Variants in TMEM220 observed in about 807,000 individuals in gnomAD.
The protein encoded by TMEM220 is transmembrane protein 220.
A neutral mutation model predicts 21.7 loss-of-function variants in TMEM220; 21 were observed. The ratio of observed to expected loss-of-function variants is 0.97; its 90% CI spans 0.69 to 1.39. The LOEUF (loss-of-function observed/expected upper bound fraction) is 1.39, where lower values mean the gene tolerates loss of function less well. Among genes scored for constraint, TMEM220 ranks in the 40% most tolerant of loss-of-function variants. The probability of loss-of-function intolerance (pLI) is 0.00; values close to 1 mark genes in which losing one functional copy is unlikely to be tolerated. For missense variants in TMEM220, 191 were observed against 201.9 expected (o/e 0.95, Z 0.33); for synonymous variants, 80 against 73.6 (o/e 1.09, Z -0.45).
At chr17:10,727,795 C>T (rs1016906490) in intron 2 of TMEM220, among the ~76,000 whole-genome samples, 2 of 152,080 alleles carry the variant, frequency 1.3e-5, no homozygotes, top group Non-Finnish European at 2.9e-5. Context: ...GAGTCATCTC[C>T]TTGGTGTACT....
downstream of TMEM220, chr17:10,711,157 T>C: frequency 6.3e-7 from 1 of 1,576,258 alleles, no homozygotes; most frequent in Middle Eastern, 1.7e-4. Context: ...TAATTTATTT[T>C]AACTTGATAG....
At chr17:10,716,557 C>T (rs2074924254) in intron 5 of TMEM220, 1 of 585,752 alleles carries the variant, frequency 1.7e-6, no homozygotes, top group Non-Finnish European at 3.4e-6. Flanking sequence ...AAGAAAGCTG[C>T]ACCACCGCGG....
rs1486413076 is a variant in TMEM220 at position 10,715,509 on chromosome 17, A to G, written c.427T>C (p.Tyr143His). ...LFPFISWVYI[Y>H]INKEMRSSWP... Reference sequence around the variant, plus strand: ...GAGGACCGCATTTCCTTGTTAATATATATGTAGACCCATGAGATAAATGGG... The same window carrying G: ...GAGGACCGCATTTCCTTGTTAATATGTATGTAGACCCATGAGATAAATGGG... The change falls in exon 6 of 6, where the codon TAT (tyrosine) becomes CAT (histidine). Residue 143 changes from tyrosine (Y) to histidine (H), a missense_variant. Tyr to His is a moderately conservative substitution (Grantham distance 83). Coordinates refer to ENST00000341871, the MANE Select transcript of TMEM220 (RefSeq NM_001004313.3). 1.9e-6 allele frequency: 3 copies of G among 1,605,614 alleles called. No homozygotes were observed. Among genetic ancestry groups the G allele is most frequent in the Non-Finnish European group, 2.5e-6 (3 of 1,178,282 alleles).
chr17:10,720,796 AAAAC>A (rs2074979411), intron 5 of TMEM220, among the ~76,000 whole-genome samples: 1 of 152,210 alleles, frequency 6.6e-6, no homozygotes, highest in Admixed American at 6.5e-5. Flanking sequence ...CCTAATAACA[AAAAC>A]AAACAAGAGA....
chr17:10,728,291 TTTTTTTTTC>T (rs1243147349), intron 2 of TMEM220, among the ~76,000 whole-genome samples: 2 of 148,818 alleles, frequency 1.3e-5, no homozygotes, highest in Non-Finnish European at 3.0e-5. Flanking sequence ...TTCTTTGCTT[TTTTTTTTTC>T]TTTTTTTTCT....
intron 1 of TMEM220, among the ~76,000 whole-genome samples, chr17:10,729,568 G>C (rs1364292959): frequency 6.6e-6 from 1 of 152,174 alleles, no homozygotes; most frequent in Non-Finnish European, 1.5e-5. Context: ...TCCAGGGTGT[G>C]AGCCCTGGTA....
intron 5 of TMEM220, among the ~76,000 whole-genome samples, chr17:10,721,493 T>C (rs1268943790): frequency 6.6e-6 from 1 of 151,202 alleles, no homozygotes; most frequent in Non-Finnish European, 1.5e-5. Flanking sequence ...TAATCCCAAC[T>C]ACTTGGGAGG....
Position 10,729,891 on chromosome 17 carries a change from G to T in TMEM220, c.-40C>A. 7.9e-7 allele frequency: 1 copy of T among 1,264,766 alleles called. No homozygotes were observed. The highest frequency in any genetic ancestry group is 2.5e-5 in the South Asian group (1 of 39,318). The allele number at this position is 1,264,766 out of a possible 1,614,324, so 78.3% of individuals were successfully genotyped here. A position where few individuals can be genotyped will look rare whatever the true frequency, so the allele number is the denominator to read the frequency against. ...GGCGCGGGGCGGTGAGTCCTGCCAC[G>T]TGCGGGGCGGTGAGTCCTGCCACGT... On this transcript the variant is annotated 5_prime_UTR_variant, in exon 1 of 6. Transcript: ENST00000341871.
chr17:10,719,673 G>A (rs1017586599), intron 5 of TMEM220, among the ~76,000 whole-genome samples: 2 of 152,066 alleles, frequency 1.3e-5, no homozygotes, highest in Non-Finnish European at 2.9e-5. Flanking sequence ...AGAGAGAGAA[G>A]GTTTTCCTAA....
downstream of TMEM220, chr17:10,713,181 G>A (rs2074866768): frequency 1.3e-5 from 2 of 150,170 alleles, no homozygotes; most frequent in African/African-American, 2.5e-5. Context: ...TAAGGCAGGA[G>A]AATCACTTGA....
rs34889423 is a variant in TMEM220, at chr17:10,718,552, TA to T, written c.348-2965del. On this transcript the variant is annotated intron_variant, in intron 5 of 5. Coordinates refer to ENST00000341871, the MANE Select transcript of TMEM220 (RefSeq NM_001004313.3). ...AAAAATTCCTAACTTCCTGGAAGCT[TA>T]AAAAAAAAATGTACTTATGTCTATA... is the stretch of plus-strand genomic sequence containing the variant. Among the ~76,000 whole-genome samples, 182 of 150,066 alleles carry T rather than the reference TA, an allele frequency of 1.2e-3. 1 individual carries two copies. The East Asian group carries it at 0.023, about 19-fold the overall frequency.
chr17:10,718,215 C>G (rs1159300754), intron 5 of TMEM220, among the ~76,000 whole-genome samples: 1 of 152,104 alleles, frequency 6.6e-6, no homozygotes, highest in African/African-American at 2.4e-5. Flanking sequence ...AGAAATTTGT[C>G]TAATTTGTAT....
In TMEM220 at chr17:10,729,052, G is replaced by T; in HGVS notation, c.81C>A (p.Asp27Glu). The T allele has an allele frequency of 1.2e-6, 2 of 1,614,154 alleles. No homozygotes were observed. Among genetic ancestry groups the T allele is most frequent in the Non-Finnish European group, 1.7e-6 (2 of 1,180,026 alleles). Reference protein sequence around the residue: ...FALAALVQVNDPDAEVWVVVY... With the variant: ...FALAALVQVNEPDAEVWVVVY... ...TCACCACCCACACCTCTGCATCTGG[G>T]TCATTTACCTGGAACGCCAGAATAC... Residue 27 changes from aspartate to glutamate, a missense_variant, in exon 2 of 6, where the codon GAC becomes GAA. Physicochemically the swap from Asp to Glu is conservative, Grantham distance 45 (BLOSUM62 2). Transcript: ENST00000341871.
chr17:10,716,409 G>A, intron 5 of TMEM220: 1 of 647,762 alleles, frequency 1.5e-6, no homozygotes, highest in Non-Finnish European at 3.0e-6. Flanking sequence ...TGCTGTGTTG[G>A]CTTATCTTAA....
Position 10,715,502 on chromosome 17 carries a change from T to A in TMEM220, c.434A>T (p.Asn145Ile). 6.2e-7 allele frequency: 1 copy of A among 1,602,942 alleles called. No individual in the cohort carries two copies. The highest frequency in any genetic ancestry group is 8.5e-7 in the Non-Finnish European group (1 of 1,177,824). The change falls in exon 6 of 6, where the codon AAC becomes ATC. Residue 145 changes from asparagine to isoleucine, a missense_variant. Physicochemically the swap from Asn to Ile is moderately radical, Grantham distance 149. Transcript: ENST00000341871. ...PFISWVYIYI[N>I]KEMRSSWPTH... ...TGGCCAAGAGGACCGCATTTCCTTG[T>A]TAATATATATGTAGACCCATGAGAT...
rs1426514860 is a variant in TMEM220 at position 10,729,994 on chromosome 17, C to T, written c.-143G>A. The T allele has an allele frequency of 1.7e-5, 18 of 1,082,752 alleles. No individual in the cohort carries two copies. The South Asian group carries it at 5.2e-4, about 31-fold the overall frequency. 67.1% of individuals were successfully genotyped at this position (1,082,752 alleles called of 1,614,324 possible). A position where few individuals can be genotyped will look rare whatever the true frequency, so the allele number is the denominator to read the frequency against. ...GGTGCCTTGGGGACACTGCCGTGGC[C>T]GTCGCTCCGCCCGGGGGCGGGGAGC... On this transcript the variant is annotated 5_prime_UTR_variant, in exon 1 of 6. Transcript: ENST00000341871.
chr17:10,729,825 G>C lies in TMEM220; in HGVS notation c.27C>G (p.Cys9Trp). Residue 9 changes from cysteine (C) to tryptophan (W), a missense_variant, in exon 1 of 6, where the codon TGC becomes TGG. Physicochemically the swap from Cys to Trp is radical, Grantham distance 215. Transcript: ENST00000341871. MAPALWRACNGLMAAFFAL... is the reference protein window; with the variant it reads MAPALWRAWNGLMAAFFAL... ...CGAAGAAGGCGGCCATGAGTCCGTT[G>C]CAGGCCCGCCACAGCGCTGGCGCCA... 1 of 1,395,982 alleles carries C rather than the reference G, an allele frequency of 7.2e-7. No individual in the cohort carries two copies. The highest frequency in any genetic ancestry group is 9.4e-7 in the Non-Finnish European group (1 of 1,066,476). 86.5% of individuals were successfully genotyped at this position (1,395,982 alleles called of 1,614,324 possible).
chr17:10,711,365 G>A (rs573939100), downstream of TMEM220: 12 of 516,770 alleles, frequency 2.3e-5, no homozygotes, highest in Admixed American at 3.6e-4. Context: ...AGGCAGGGGT[G>A]TATAGTCCTC....
chr17:10,718,669 C>T (rs775658343), intron 5 of TMEM220, among the ~76,000 whole-genome samples: 7 of 152,046 alleles, frequency 4.6e-5, no homozygotes, highest in Middle Eastern at 3.2e-3. Flanking sequence ...TTCTAATTTC[C>T]ATTGTGATTT....
Sources: gnomAD v4.1 joint callset for allele counts (sites outside exome capture counted in the v4.1 genomes callset) on GRCh38, gnomAD v4.1.1 for gene constraint, MANE v1.5 for transcripts, NCBI Gene and HGNC (gene_info 2026-07-23, HGNC 2026-07-21) for gene names.